Variants in ASIC2 observed in about 807,000 individuals in gnomAD.
ASIC2 encodes the protein acid sensing ion channel subunit 2.
A neutral mutation model predicts 57.3 loss-of-function variants in ASIC2; 25 were observed. The observed-to-expected ratio is 0.44, with a 90% CI of 0.32 to 0.61. The LOEUF (loss-of-function observed/expected upper bound fraction) is 0.61, where lower values mean the gene tolerates loss of function less well. Among genes scored for constraint, ASIC2 ranks in the 20% least tolerant of loss-of-function variants. The probability of loss-of-function intolerance (pLI) is 0.06; values close to 1 mark genes in which losing one functional copy is unlikely to be tolerated. For missense variants in ASIC2, 641 were observed against 738.1 expected, an observed-to-expected ratio of 0.87 and a Z score of 1.52; for synonymous variants, 319 against 307.5, an observed-to-expected ratio of 1.04 and a Z score of -0.39.
intron 1 of ASIC2, among the ~76,000 whole-genome samples, chr17:33,206,813 C>G (rs1907079573): frequency 6.6e-6 from 1 of 152,084 alleles, no homozygotes; most frequent in African/African-American, 2.4e-5. Context: ...ATCAGAATTG[C>G]CAGAAGATCA....
intron 1 of ASIC2, chr17:34,038,089 C>T (rs368187120): frequency 2.0e-5 from 32 of 1,613,130 alleles, no homozygotes; most frequent in East Asian, 8.9e-5. Flanking sequence ...CCATGATCTT[C>T]GAAAGACCAA....
chr17:33,108,705 C>G (rs1246947414), intron 2 of ASIC2, among the ~76,000 whole-genome samples: 2 of 152,198 alleles, frequency 1.3e-5, no homozygotes, highest in Non-Finnish European at 2.9e-5. Flanking sequence ...CCTTCTCAGC[C>G]TGAAGAAAGG....
At chr17:33,734,333 G>A (rs1047618144) in intron 1 of ASIC2, among the ~76,000 whole-genome samples, 3 of 151,972 alleles carry the variant, frequency 2.0e-5, no homozygotes, top group South Asian at 2.1e-4. Context: ...CCTTCCCCCC[G>A]GGCTCCCACG....
intron 1 of ASIC2, among the ~76,000 whole-genome samples, chr17:33,662,671 G>A (rs904681556): frequency 3.9e-5 from 4 of 102,138 alleles, no homozygotes; most frequent in Admixed American, 1.0e-4. Flanking sequence ...AAATAAATAA[G>A]TAAAATAAAA....
chr17:34,156,587 A>C lies in ASIC2; in HGVS notation c.-55T>G, dbSNP rs1437964302. On this transcript the variant is annotated 5_prime_UTR_variant, in exon 1 of 10. Coordinates refer to the ASIC2 transcript ENST00000359872. This position sits in a 1 kb window ranked among gnomAD's most constrained non-coding sequence, Gnocchi z 4.4. ...TCAGGTTGATCGAATTTCAGAGAAG[A>C]GCTCCCAGTCCTCGGGCTCTGCTTA... 2 of 1,513,984 alleles carry C rather than the reference A, an allele frequency of 1.3e-6. No individual in the cohort carries two copies. The highest frequency in any genetic ancestry group is 1.8e-6 in the Non-Finnish European group (2 of 1,124,976). 93.8% of individuals were successfully genotyped at this position (1,513,984 alleles called of 1,614,324 possible).
At chr17:33,130,248 G>A (rs917477407) in intron 1 of ASIC2, among the ~76,000 whole-genome samples, 3 of 152,120 alleles carry the variant, frequency 2.0e-5, no homozygotes, top group Non-Finnish European at 2.9e-5. Context: ...AAAAAGCGAC[G>A]TTAAATTCTC....
At chr17:33,054,664 C>T (rs1350270473) in intron 3 of ASIC2, among the ~76,000 whole-genome samples, 2 of 152,132 alleles carry the variant, frequency 1.3e-5, no homozygotes, top group East Asian at 1.9e-4. Context: ...TGTGGCGTCT[C>T]GGGCGTTCCA....
chr17:33,464,993 T>C (rs368166444), intron 1 of ASIC2, among the ~76,000 whole-genome samples: 72 of 152,256 alleles, frequency 4.7e-4, no homozygotes, highest in South Asian at 4.1e-3. Context: ...ACAAAAATAC[T>C]ATGGAATTCC....
Position 33,292,934 on chromosome 17 carries a change from T to C in ASIC2, c.-819A>G. On this transcript the variant is annotated 5_prime_UTR_variant, in exon 1 of 10. Transcript: ENST00000225823. ...GGGAGGCTGTTCGCCGCCGGGGTCC[T>C]TCAAGGATGCTAGCCGCAGGGAAGT... 1.0e-6 allele frequency: 1 copy of C among 985,530 alleles called. No individual in the cohort carries two copies. The highest frequency in any genetic ancestry group is 4.7e-5 in the South Asian group (1 of 21,288). 61.0% of individuals were successfully genotyped at this position (985,530 alleles called of 1,614,324 possible). A position where few individuals can be genotyped will look rare whatever the true frequency, so the allele number is the denominator to read the frequency against.
At chr17:33,206,303 A>G (rs1281105049) in intron 1 of ASIC2, among the ~76,000 whole-genome samples, 1 of 151,924 alleles carries the variant, frequency 6.6e-6, no homozygotes, top group Non-Finnish European at 1.5e-5. Flanking sequence ...GATTGGAGGG[A>G]GGGAGGGAGA....
rs557436863 is a variant in ASIC2, at chr17:33,662,795, G to T, written c.555+493183C>A. ...TACTTGTCTTTTTCTTTTCTTCCCA[G>T]AATTTAAGGGTAATTACAAGAATAT... On this transcript the variant is annotated intron_variant, in intron 1 of 9. Coordinates refer to the ASIC2 transcript ENST00000359872. Among the ~76,000 whole-genome samples, 3 of 121,732 alleles carry T rather than the reference G, an allele frequency of 2.5e-5. No homozygotes were observed. In the South Asian group the frequency reaches 8.4e-4, roughly 34 times the overall value. The allele number at this position is 121,732 out of a possible 152,430, so 79.9% of individuals were successfully genotyped here.
intron 1 of ASIC2, among the ~76,000 whole-genome samples, chr17:33,866,618 C>A (rs1250524419): frequency 6.6e-6 from 1 of 152,116 alleles, no homozygotes; most frequent in African/African-American, 2.4e-5. Flanking sequence ...CTCTCTGATT[C>A]TTTCATCTGT....
chr17:33,136,008 G>A (rs1357612114), intron 1 of ASIC2, among the ~76,000 whole-genome samples: 1 of 152,178 alleles, frequency 6.6e-6, no homozygotes, highest in Non-Finnish European at 1.5e-5. Context: ...AATGGCTGCT[G>A]GGGGCTCTCT....
At chr17:33,717,956 G>T (rs1362311230) in intron 1 of ASIC2, among the ~76,000 whole-genome samples, 1 of 152,124 alleles carries the variant, frequency 6.6e-6, no homozygotes, top group African/African-American at 2.4e-5. Context: ...ATCAAAAGGA[G>T]TGTTGAAGTG....
chr17:33,137,679 A>C (rs2092371707), intron 1 of ASIC2, among the ~76,000 whole-genome samples: 1 of 152,284 alleles, frequency 6.6e-6, no homozygotes, highest in East Asian at 1.9e-4. Flanking sequence ...TTACACCCAG[A>C]GTGTTTCCAT....
chr17:33,760,822 C>T (rs1049418090), intron 1 of ASIC2, among the ~76,000 whole-genome samples: 3 of 152,160 alleles, frequency 2.0e-5, no homozygotes, highest in African/African-American at 7.2e-5. Context: ...CCATTGTTCT[C>T]TTCTTGAGCC....
intron 1 of ASIC2, among the ~76,000 whole-genome samples, chr17:33,846,266 A>G (rs1913596132): frequency 6.6e-6 from 1 of 152,126 alleles, no homozygotes; most frequent in South Asian, 2.1e-4. Context: ...GTGAGAGGAA[A>G]TTCAGCTGAC....
intron 1 of ASIC2, among the ~76,000 whole-genome samples, chr17:33,645,375 ACT>A (rs1401183119): frequency 6.6e-6 from 1 of 152,084 alleles, no homozygotes; most frequent in Non-Finnish European, 1.5e-5. Flanking sequence ...AAAGTAGAAC[ACT>A]CTAAAAAACT....
chr17:33,170,554 G>A (rs770034085), intron 1 of ASIC2, among the ~76,000 whole-genome samples: 22 of 152,256 alleles, frequency 1.4e-4, no homozygotes, highest in Non-Finnish European at 2.8e-4. Context: ...AGCATTGCCC[G>A]TCCCTTTCAT....
Sources: gnomAD v4.1 joint callset for allele counts (sites outside exome capture counted in the v4.1 genomes callset) on GRCh38, gnomAD v4.1.1 for gene constraint, Gnocchi (gnomAD v3.1) non-coding constraint, MANE v1.5 for transcripts, NCBI Gene and HGNC (gene_info 2026-07-23, HGNC 2026-07-21) for gene names.